Variants in NXN observed in about 807,000 individuals in gnomAD.
NXN encodes the protein nucleoredoxin, also known as nucleoredoxin 1.
In NXN, 16 loss-of-function variants were observed where a neutral mutation model predicts 48.6. The ratio of observed to expected loss-of-function variants is 0.33; its 90% CI spans 0.22 to 0.50. The LOEUF (loss-of-function observed/expected upper bound fraction) is 0.50. Among genes scored for constraint, NXN ranks in the 20% least tolerant of loss-of-function variants. NXN has a pLI of 0.98. For synonymous variants in NXN, 281 were observed against 269.6 expected (o/e 1.04, Z -0.41); for missense variants, 492 against 605.5 (o/e 0.81, Z 1.97).
At chr17:866,666 G>A (rs913947759) in intron 1 of NXN, among the ~76,000 whole-genome samples, 4 of 152,164 alleles carry the variant, frequency 2.6e-5, no homozygotes, top group Non-Finnish European at 5.9e-5. Context: ...TACGTGCATG[G>A]AGTTCTGCTT....
rs1439438324 is a variant in NXN, at chr17:979,199, G to A, written c.360+120C>T. 1.9e-4 allele frequency: 79 copies of A among 420,826 alleles called. No individual in the cohort carries two copies. The African/African-American group carries it at 2.2e-3, about 12-fold the overall frequency. The allele number at this position is 420,826 out of a possible 1,614,324, so 26.1% of individuals were successfully genotyped here. On this transcript the variant is annotated intron_variant, in intron 1 of 7. Coordinates refer to ENST00000336868, the MANE Select transcript of NXN (RefSeq NM_022463.5). The stretch of plus-strand genomic sequence containing the variant: ...GGGGACTGGGGGCAGGGGTCGGGGG[G>A]TGGAGGGCGGGCAGGGGGACAACGG...
intron 5 of NXN, among the ~76,000 whole-genome samples, chr17:807,939 A>G (rs542034500): frequency 4.6e-5 from 7 of 152,200 alleles, no homozygotes; most frequent in Non-Finnish European, 8.8e-5. Context: ...TGGGGCGGGC[A>G]GCATCAGGAT....
intron 5 of NXN, among the ~76,000 whole-genome samples, chr17:817,671 GA>G (rs1230474649): frequency 0.078 from 8,381 of 107,098 alleles, 260 homozygotes; most frequent in Middle Eastern, 0.18. Context: ...TCCAATTCAG[GA>G]AAAAAAAAAA....
In NXN at chr17:894,748, G is replaced by A. The variant is rs533847165; in HGVS notation, c.361-68670C>T. Among the ~76,000 whole-genome samples, 4 of 152,348 alleles carry A rather than the reference G, an allele frequency of 2.6e-5. No homozygotes were observed. In the South Asian group the frequency reaches 8.3e-4, roughly 32 times the overall value. ...CCACTGGTGTCCGCAGGGACGGGCG[G>A]AGACATGACGGAGGCGCCCCAAGAA... On this transcript the variant is annotated intron_variant, in intron 1 of 7. Coordinates refer to ENST00000336868, the MANE Select transcript of NXN (RefSeq NM_022463.5).
intron 1 of NXN, among the ~76,000 whole-genome samples, chr17:885,058 C>G (rs1182381215): frequency 6.6e-6 from 1 of 152,194 alleles, no homozygotes; most frequent in African/African-American, 2.4e-5. Flanking sequence ...GGAGCTGAGT[C>G]AGGCCTCCTG....
chr17:896,437 T>C (rs1209338121), intron 1 of NXN, among the ~76,000 whole-genome samples: 1 of 150,792 alleles, frequency 6.6e-6, no homozygotes, highest in African/African-American at 2.4e-5. Context: ...AGCACAGGAG[T>C]TTGAGATTAC....
rs530107112 is a variant in NXN, at chr17:828,408, T to G, written c.361-2330A>C. Among the ~76,000 whole-genome samples the G allele has an allele frequency of 2.8e-4, 40 of 142,928 alleles. No homozygotes were observed. The South Asian group carries it at 8.8e-3, about 32-fold the overall frequency. The allele number at this position is 142,928 out of a possible 152,430, so 93.8% of individuals were successfully genotyped here. On this transcript the variant is annotated intron_variant, in intron 1 of 7. Coordinates refer to ENST00000336868, the MANE Select transcript of NXN (RefSeq NM_022463.5). ...TGTGAGCCACCGTGCCTGGCCTTTT[T>G]TTTTTTTTTTTTTAATGGAGTCTTA...
At chr17:938,321 A>T (rs2068932076) in intron 1 of NXN, among the ~76,000 whole-genome samples, 1 of 152,250 alleles carries the variant, frequency 6.6e-6, no homozygotes, top group Non-Finnish European at 1.5e-5. Flanking sequence ...GCTTGCCCTG[A>T]TATGACAGCA....
rs1913368967 is a variant in NXN, at chr17:830,004, G to A, written c.361-3926C>T. ...ATACACCCAGTAATGGGATTGCTGG[G>A]TCAAATGGTGTTTTTGGTTCTAGAT... On this transcript the variant is annotated intron_variant, in intron 1 of 7. Coordinates refer to ENST00000336868, the MANE Select transcript of NXN (RefSeq NM_022463.5). The surrounding 1 kb of genome is among the most constrained non-coding windows in gnomAD (Gnocchi z 4.2). Among the ~76,000 whole-genome samples the A allele has an allele frequency of 6.6e-6, 1 of 152,138 alleles. No homozygotes were observed. The highest frequency in any genetic ancestry group is 2.4e-5 in the African/African-American group (1 of 41,422).
intron 5 of NXN, among the ~76,000 whole-genome samples, chr17:812,223 G>A (rs1011093364): frequency 6.6e-6 from 1 of 152,142 alleles, no homozygotes; most frequent in Non-Finnish European, 1.5e-5. Flanking sequence ...CACTGCGCGT[G>A]GCCTGGGTTA....
At chr17:810,431 T>A (rs184958932) in intron 5 of NXN, among the ~76,000 whole-genome samples, 1 of 152,322 alleles carries the variant, frequency 6.6e-6, no homozygotes, top group Admixed American at 6.5e-5. Context: ...ACGTTTTCTT[T>A]AACGGCAGCC....
chr17:885,701 G>A (rs193028686), intron 1 of NXN, among the ~76,000 whole-genome samples: 3,922 of 44,708 alleles, frequency 0.088, 292 homozygotes, highest in African/African-American at 0.33. Context: ...TTTTTTTTTT[G>A]AGACAGAGTC....
chr17:895,751 G>A (rs543607578), intron 1 of NXN, among the ~76,000 whole-genome samples: 3 of 149,284 alleles, frequency 2.0e-5, no homozygotes, highest in African/African-American at 7.4e-5. Context: ...CTGAGAGGCG[G>A]AGCTTGCAGT....
intron 1 of NXN, among the ~76,000 whole-genome samples, chr17:879,598 T>C (rs1338870637): frequency 1.3e-5 from 2 of 151,962 alleles, no homozygotes; most frequent in African/African-American, 2.4e-5. Flanking sequence ...CGAGTCTGGT[T>C]TTAAACCCGT....
chr17:822,213 A>T, intron 4 of NXN, 144 bp downstream of exon 4: 1 of 528,532 alleles, frequency 1.9e-6, no homozygotes, highest in Non-Finnish European at 3.4e-6. Flanking sequence ...CAGGAGGTGG[A>T]GGTTGCAGTG....
chr17:822,310 T>A (rs1468246776), intron 4 of NXN, 47 bp downstream of exon 4: 1 of 1,334,198 alleles, frequency 7.5e-7, no homozygotes. Context: ...AAAATGGATG[T>A]CAGCTACCTA....
intron 1 of NXN, among the ~76,000 whole-genome samples, chr17:873,857 G>T (rs557570406): frequency 7.2e-5 from 11 of 152,216 alleles, no homozygotes; most frequent in Admixed American, 4.6e-4. Flanking sequence ...GTGAGGGAGT[G>T]GGGGAAACAC....
intron 2 of NXN, among the ~76,000 whole-genome samples, chr17:824,622 C>T (rs77919956): frequency 2.0e-5 from 3 of 152,132 alleles, no homozygotes; most frequent in Non-Finnish European, 1.5e-5. Flanking sequence ...GCCCCACGCC[C>T]AGAGATTCTG....
intron 1 of NXN, among the ~76,000 whole-genome samples, chr17:841,868 G>A (rs117988474): frequency 3.0e-4 from 46 of 152,250 alleles, no homozygotes; most frequent in East Asian, 1.4e-3. Flanking sequence ...GGCGCACGGC[G>A]GCTCACGTCT....
Sources: gnomAD v4.1 joint callset for allele counts (sites outside exome capture counted in the v4.1 genomes callset) on GRCh38, gnomAD v4.1.1 for gene constraint, Gnocchi (gnomAD v3.1) non-coding constraint, MANE v1.5 for transcripts, NCBI Gene and HGNC (gene_info 2026-07-23, HGNC 2026-07-21) for gene names.